SUPT3H: variants seen among roughly 807,000 people sequenced by gnomAD.
The protein encoded by SUPT3H is SPT3 homolog, SAGA and STAGA complex component.
Under a neutral mutation model 44.3 loss-of-function variants are expected in SUPT3H, and 44 were observed. The ratio of observed to expected loss-of-function variants is 0.99; its 90% CI spans 0.78 to 1.28. The LOEUF (loss-of-function observed/expected upper bound fraction) is 1.28, where lower values mean the gene tolerates loss of function less well. SUPT3H is among the 50% of genes most tolerant of loss of function. The pLI, the probability that SUPT3H is intolerant of heterozygous loss-of-function variation, is 0.00. For missense variants in SUPT3H, 380 were observed against 387.1 expected (o/e 0.98, Z 0.15); for synonymous variants, 124 against 125.6 (o/e 0.99, Z 0.09).
intron 9 of SUPT3H, among the ~76,000 whole-genome samples, chr6:44,938,233 T>C (rs1199680646): frequency 6.6e-6 from 1 of 152,088 alleles, no homozygotes; most frequent in East Asian, 1.9e-4. Flanking sequence ...CTTTATTCCA[T>C]CTTGAGTTGA....
chr6:45,106,021 T>G lies in SUPT3H; in HGVS notation c.102-15A>C. The G allele has an allele frequency of 1.3e-6, 2 of 1,596,956 alleles. No individual in the cohort carries two copies. Among genetic ancestry groups the G allele is most frequent in the Non-Finnish European group, 1.7e-6 (2 of 1,164,994 alleles). On this transcript the variant is annotated splice_polypyrimidine_tract_variant and intron_variant, in intron 2 of 10. Transcript: ENST00000371459. Reference sequence around the variant, plus strand: ...CTAAAGAATACCTGCAAAATAATTTTAAACACACCAATATTAAGGACTATA... The same window carrying G: ...CTAAAGAATACCTGCAAAATAATTTGAAACACACCAATATTAAGGACTATA...
At chr6:45,125,195 C>T (rs919547898) in intron 2 of SUPT3H, among the ~76,000 whole-genome samples, 2 of 152,148 alleles carry the variant, frequency 1.3e-5, no homozygotes, top group Non-Finnish European at 2.9e-5. Flanking sequence ...GAAACAAATA[C>T]ACAAACTTAT....
intron 2 of SUPT3H, among the ~76,000 whole-genome samples, chr6:45,352,617 C>T (rs1019045602): frequency 6.6e-6 from 1 of 152,136 alleles, no homozygotes; most frequent in African/African-American, 2.4e-5. Context: ...CTATGATTCA[C>T]TAGGACATCA....
At chr6:44,994,799 G>T (rs74995653) in intron 6 of SUPT3H, among the ~76,000 whole-genome samples, 1,661 of 152,228 alleles carry the variant, frequency 0.011, 41 homozygotes, top group African/African-American at 0.038. Flanking sequence ...GCAGAATAGG[G>T]AATTGGAGCT....
At chr6:45,266,219 A>G (rs949065258) in intron 2 of SUPT3H, among the ~76,000 whole-genome samples, 1 of 151,944 alleles carries the variant, frequency 6.6e-6, no homozygotes, top group African/African-American at 2.4e-5. Context: ...TTTAGCCGTT[A>G]TTCCCGGGAG....
intron 2 of SUPT3H, among the ~76,000 whole-genome samples, chr6:45,274,733 A>G (rs1776737030): frequency 6.6e-6 from 1 of 151,888 alleles, no homozygotes; most frequent in African/African-American, 2.4e-5. Flanking sequence ...ATATTTTTAA[A>G]ATTTGCCAGG....
At chr6:45,321,895 G>GA (rs750207372) in intron 2 of SUPT3H, 57 of 1,521,416 alleles carry the variant, frequency 3.7e-5, no homozygotes, top group African/African-American at 2.4e-4. Context: ...TATGAAGCTA[G>GA]AAAAAAAATT....
At chr6:45,309,162 G>GA (rs147009181) in intron 2 of SUPT3H, among the ~76,000 whole-genome samples, 36,008 of 133,374 alleles carry the variant, frequency 0.27, 4,818 homozygotes, top group Non-Finnish European at 0.33. Context: ...AAATATTTAG[G>GA]AAAAAAAAAA....
rs1294413644 is a variant in SUPT3H, at chr6:45,333,800, A to G, written c.101+31401T>C. Reference sequence around the variant, plus strand: ...TATTCATGCACTTCCTCTACTCTATATTCTTGTTAATACTCATAAATCCAA... The same window carrying G: ...TATTCATGCACTTCCTCTACTCTATGTTCTTGTTAATACTCATAAATCCAA... On this transcript the variant is annotated intron_variant, in intron 2 of 10. Coordinates refer to ENST00000371459, the MANE Select transcript of SUPT3H (RefSeq NM_003599.4). 4.6e-5 allele frequency among the ~76,000 whole-genome samples: 7 copies of G among 151,294 alleles called. No homozygotes were observed. The East Asian group carries it at 1.4e-3, about 29-fold the overall frequency.
chr6:44,930,157 T>C (rs927364398), intron 10 of SUPT3H, among the ~76,000 whole-genome samples: 3 of 151,912 alleles, frequency 2.0e-5, no homozygotes, highest in Non-Finnish European at 4.4e-5. Flanking sequence ...GGCAGGCAGA[T>C]CATGAGGTCA....
At chr6:45,145,794 C>T (rs1805957417) in intron 2 of SUPT3H, among the ~76,000 whole-genome samples, 2 of 151,968 alleles carry the variant, frequency 1.3e-5, no homozygotes, top group Non-Finnish European at 2.9e-5. Context: ...CGAGAATCTA[C>T]AATGAACTCA....
chr6:44,999,213 G>A (rs188161357), intron 6 of SUPT3H, among the ~76,000 whole-genome samples: 257 of 152,104 alleles, frequency 1.7e-3, no homozygotes, highest in African/African-American at 6.0e-3. Flanking sequence ...GAGTGAAGGT[G>A]GGTGTGAGAG....
chr6:44,821,605 A>G (rs1241125184), intron 11 of SUPT3H, among the ~76,000 whole-genome samples: 1 of 152,182 alleles, frequency 6.6e-6, no homozygotes, highest in Non-Finnish European at 1.5e-5. Context: ...CAATAATCAC[A>G]TAATATTTAT....
chr6:44,965,424 TATATG>T (rs781173068), intron 6 of SUPT3H, among the ~76,000 whole-genome samples: 7 of 152,212 alleles, frequency 4.6e-5, no homozygotes, highest in African/African-American at 9.6e-5. Context: ...CCTTGAATAT[TATATG>T]ATATAACACA....
chr6:44,840,159 ACCTTTATGTATTCTATT>A (rs1350522476), intron 10 of SUPT3H, among the ~76,000 whole-genome samples: 1 of 152,220 alleles, frequency 6.6e-6, no homozygotes, highest in East Asian at 1.9e-4. Context: ...CATAAATTCT[ACCTTTATGTATTCTATT>A]CATGTAGCAG....
At chr6:45,216,500 GATAA>G (rs1388404193) in intron 2 of SUPT3H, among the ~76,000 whole-genome samples, 5 of 152,132 alleles carry the variant, frequency 3.3e-5, no homozygotes, top group East Asian at 1.9e-4. Context: ...AGATAGGCTG[GATAA>G]ATAAACTGAA....
chr6:45,352,058 T>G (rs745512333), intron 2 of SUPT3H, among the ~76,000 whole-genome samples: 3 of 152,174 alleles, frequency 2.0e-5, no homozygotes, highest in Non-Finnish European at 4.4e-5. Context: ...CTTGCCTGCT[T>G]CCTTAAAATG....
rs1245389708 is a variant in SUPT3H at position 45,254,421 on chromosome 6, A to G, written c.101+110780T>C. The stretch of plus-strand genomic sequence containing the variant: ...TACAAAGGACACTAAAATTTAAAAC[A>G]GTCTATGTCCTCAAAGAAGTGTTAA... On this transcript the variant is annotated intron_variant, in intron 2 of 10. Coordinates refer to ENST00000371459, the MANE Select transcript of SUPT3H (RefSeq NM_003599.4). Among the ~76,000 whole-genome samples the G allele has an allele frequency of 2.0e-5, 3 of 152,342 alleles. No individual in the cohort carries two copies. In the East Asian group the frequency reaches 5.8e-4, roughly 29 times the overall value.
At chr6:44,950,919 T>C (rs1774210781) in intron 9 of SUPT3H, among the ~76,000 whole-genome samples, 1 of 151,796 alleles carries the variant, frequency 6.6e-6, no homozygotes, top group South Asian at 2.1e-4. Context: ...GTTATACCAT[T>C]TGGATCTTAA....
Sources: allele counts gnomAD v4.1 joint callset (sites outside exome capture counted in the v4.1 genomes callset), GRCh38; gene constraint gnomAD v4.1.1; transcripts MANE v1.5; gene names NCBI Gene and HGNC (gene_info 2026-07-23, HGNC 2026-07-21).